The following PATJ variants were observed in gnomAD, a reference collection of about 807,000 sequenced individuals.
The protein encoded by PATJ is PATJ crumbs cell polarity complex component, also known as inaD-like protein.
A neutral mutation model predicts 224.9 loss-of-function variants in PATJ; 190 were observed. The observed-to-expected ratio is 0.84, with a 90% confidence interval of 0.75 to 0.95. The LOEUF is 0.95. Among genes scored for constraint, PATJ ranks in the 40% least tolerant of loss-of-function variants. PATJ has a pLI of 0.00. For missense variants in PATJ, 2,121 were observed against 2,270.3 expected, an observed-to-expected ratio of 0.93 and a Z score of 1.34; for synonymous variants, 769 against 820.3, an observed-to-expected ratio of 0.94 and a Z score of 1.07.
At chr1:62,150,770 C>T (rs951294741) in intron 42 of PATJ, among the ~76,000 whole-genome samples, 1 of 151,386 alleles carries the variant, frequency 6.6e-6, no homozygotes, top group Non-Finnish European at 1.5e-5. Context: ...AATCCCAGCA[C>T]TTTGAGAGGC....
intron 20 of PATJ, chr1:61,865,588 C>G (rs1665291388): frequency 6.6e-6 from 1 of 152,062 alleles, no homozygotes; most frequent in Admixed American, 6.6e-5. Context: ...ATTATATCAC[C>G]AATAAACTTT....
In PATJ at chr1:61,994,906, T is replaced by A. The variant is rs112623523; in HGVS notation, c.3867+4542T>A. On this transcript the variant is annotated intron_variant, in intron 28 of 43. Transcript: ENST00000642238. Reference sequence around the variant, plus strand: ...ACCCATCTTCTCATTGGGCTTTAGGTCAGAGATGATAGAGAATTAAATTCA... The same window carrying A: ...ACCCATCTTCTCATTGGGCTTTAGGACAGAGATGATAGAGAATTAAATTCA... Among the ~76,000 whole-genome samples, 430 of 152,300 alleles carry A rather than the reference T, an allele frequency of 2.8e-3. 3 individuals are homozygous for A. The highest frequency in any genetic ancestry group is 5.1e-3 in the Non-Finnish European group (346 of 68,018).
intron 26 of PATJ, among the ~76,000 whole-genome samples, chr1:61,925,355 A>T (rs74533505): frequency 0.017 from 2,366 of 143,244 alleles, 148 homozygotes; most frequent in African/African-American, 0.068. Context: ...AAGCAGCATA[A>T]TATAGATTCT....
intron 43 of PATJ, among the ~76,000 whole-genome samples, chr1:62,156,995 G>A (rs1483245967): frequency 6.6e-6 from 1 of 151,894 alleles, no homozygotes; most frequent in Non-Finnish European, 1.5e-5. Context: ...TCCTGTGGGG[G>A]AAATGTGTAA....
At chr1:61,864,159 G>T in intron 19 of PATJ, 79 bp from the exon 20 acceptor site, 1 of 1,288,958 alleles carries the variant, frequency 7.8e-7, no homozygotes. Flanking sequence ...GCCAGCATTT[G>T]AAAATTTTCC....
intron 27 of PATJ, among the ~76,000 whole-genome samples, chr1:61,980,253 C>CA (rs1644378063): frequency 6.6e-6 from 1 of 151,840 alleles, no homozygotes; most frequent in Non-Finnish European, 1.5e-5. Context: ...CCGCTGAACT[C>CA]TAGCCTGGTC....
chr1:62,090,424 T>C (rs1214165381), intron 33 of PATJ, among the ~76,000 whole-genome samples: 1 of 152,140 alleles, frequency 6.6e-6, no homozygotes, highest in Non-Finnish European at 1.5e-5. Flanking sequence ...TCTATTGACT[T>C]TTAGTGATTA....
At chr1:62,108,576 C>A in intron 34 of PATJ, 56 bp downstream of exon 34, 1 of 1,060,518 alleles carries the variant, frequency 9.4e-7, no homozygotes, top group Non-Finnish European at 1.4e-6. Context: ...TTGCTGGTCT[C>A]GATCCATAAA....
At chr1:61,896,571 G>T (rs1032929846) in intron 22 of PATJ, among the ~76,000 whole-genome samples, 1 of 152,132 alleles carries the variant, frequency 6.6e-6, no homozygotes, top group Non-Finnish European at 1.5e-5. Flanking sequence ...AGACTGTTGG[G>T]ATGGCATGAT....
intron 28 of PATJ, among the ~76,000 whole-genome samples, chr1:61,997,999 A>ATATAT (rs796425466): frequency 0.18 from 18,141 of 98,808 alleles, 1,789 homozygotes; most frequent in Non-Finnish European, 0.23. Flanking sequence ...TGTATATATA[A>ATATAT]TATATTATAT....
chr1:62,040,506 C>G (rs1295748962), intron 30 of PATJ, among the ~76,000 whole-genome samples: 1 of 152,016 alleles, frequency 6.6e-6, no homozygotes, highest in Admixed American at 6.6e-5. Flanking sequence ...CTTGGTTACA[C>G]TTGGGCAAGG....
rs1200037596 is a variant in PATJ at position 61,966,399 on chromosome 1, A to C, written c.3671-23769A>C. 5.9e-5 allele frequency among the ~76,000 whole-genome samples: 9 copies of C among 152,112 alleles called. No homozygotes were observed. The South Asian group carries it at 1.5e-3, about 25-fold the overall frequency. On this transcript the variant is annotated intron_variant, in intron 27 of 43. Transcript: ENST00000642238. ...GAGTCCATAGAGTAAAGTGAAAGCAAATTAGGCCAAATGCGGTGTCTCACA... is the reference window on the plus strand; with the variant it reads ...GAGTCCATAGAGTAAAGTGAAAGCACATTAGGCCAAATGCGGTGTCTCACA...
At chr1:61,792,044 A>C (rs1649983907) in intron 9 of PATJ, among the ~76,000 whole-genome samples, 1 of 152,274 alleles carries the variant, frequency 6.6e-6, no homozygotes, top group Admixed American at 6.5e-5. Flanking sequence ...ACCTTTCCAC[A>C]AATATTTGCT....
At chr1:61,794,186 G>A (rs895222039) in intron 9 of PATJ, among the ~76,000 whole-genome samples, 3 of 151,230 alleles carry the variant, frequency 2.0e-5, no homozygotes, top group African/African-American at 7.3e-5. Flanking sequence ...ACAGGCGTGA[G>A]CCACTGTGCC....
At chr1:61,834,165 A>G (rs918674664) in intron 17 of PATJ, among the ~76,000 whole-genome samples, 5 of 152,156 alleles carry the variant, frequency 3.3e-5, no homozygotes, top group African/African-American at 1.2e-4. Context: ...GAGTTGTGCA[A>G]CCATCACCAC....
chr1:61,771,674 A>G (rs751158846), intron 6 of PATJ, 48 bp downstream of exon 6: 3 of 1,330,758 alleles, frequency 2.3e-6, no homozygotes, highest in South Asian at 1.5e-5. Context: ...AATGCCATTG[A>G]TCGTAAGAAG....
At chr1:61,885,851 A>C (rs1438628181) in intron 22 of PATJ, among the ~76,000 whole-genome samples, 21 of 152,052 alleles carry the variant, frequency 1.4e-4, no homozygotes, top group Non-Finnish European at 2.6e-4. Flanking sequence ...GCAGCCATAA[A>C]AAATGATGAG....
At chr1:62,009,366 T>C (rs1173342378) in intron 28 of PATJ, among the ~76,000 whole-genome samples, 1 of 152,248 alleles carries the variant, frequency 6.6e-6, no homozygotes, top group Non-Finnish European at 1.5e-5. Context: ...ATGTTTATAC[T>C]ATGGTCTATA....
chr1:62,042,332 A>G (rs548437808), intron 30 of PATJ, among the ~76,000 whole-genome samples: 47 of 152,198 alleles, frequency 3.1e-4, no homozygotes, highest in African/African-American at 1.1e-3. Flanking sequence ...GATGAATGCC[A>G]CCCCTCCTGT....
Sources: allele counts gnomAD v4.1 joint callset (sites outside exome capture counted in the v4.1 genomes callset), GRCh38; gene constraint gnomAD v4.1.1; transcripts MANE v1.5; gene names NCBI Gene and HGNC (gene_info 2026-07-23, HGNC 2026-07-21).